The following CAVIN2 variants were observed in gnomAD, a reference collection of about 807,000 sequenced individuals.
CAVIN2 encodes the protein caveolae associated protein 2.
In CAVIN2, 13 loss-of-function variants were observed where a neutral mutation model predicts 11.7. That is an observed-to-expected ratio of 1.11 (90% CI 0.72 to 1.77). CAVIN2 has a LOEUF of 1.77. Among genes scored for constraint, CAVIN2 ranks in the 40% most tolerant of loss-of-function variants. CAVIN2 has a pLI of 0.00. For missense variants in CAVIN2, 549 were observed against 542.9 expected, an observed-to-expected ratio of 1.01 and a Z score of -0.11; for synonymous variants, 237 against 223.2, an observed-to-expected ratio of 1.06 and a Z score of -0.55.
At chr2:191,845,096 T>TA (rs1690146774) in intron 1 of CAVIN2, among the ~76,000 whole-genome samples, 1 of 152,218 alleles carries the variant, frequency 6.6e-6, no homozygotes, top group Non-Finnish European at 1.5e-5. Context: ...AAGGCCCAGT[T>TA]ACAGTATCTC....
At chr2:191,846,284 C>T (rs1364975186) in intron 1 of CAVIN2, among the ~76,000 whole-genome samples, 159 bp downstream of exon 1, 1 of 152,220 alleles carries the variant, frequency 6.6e-6, no homozygotes. Context: ...GTGAAGATTT[C>T]ACATTTGCTT....
At chr2:191,839,531 A>T (rs1169056955) in intron 1 of CAVIN2, among the ~76,000 whole-genome samples, 1 of 152,200 alleles carries the variant, frequency 6.6e-6, no homozygotes, top group African/African-American at 2.4e-5. Context: ...CACACTGTGT[A>T]TATGAATGGG....
Position 191,834,400 on chromosome 2 carries a change from TAAG to T in CAVIN2, c.*1520_*1522del, listed in dbSNP as rs552448129. ...ATTTGAGGTTACATTATTGCAAAAA[TAAG>T]GACATAGCTGAATAGGTTATGCCAT... is the stretch of plus-strand genomic sequence containing the variant. On this transcript the variant is annotated 3_prime_UTR_variant, in exon 2 of 2. Transcript: ENST00000304141. 2.0e-5 allele frequency: 3 copies of T among 152,312 alleles called. No homozygotes were observed. In the South Asian group the frequency reaches 6.2e-4, roughly 32 times the overall value. The allele number at this position is 152,312 out of a possible 1,614,324, so 9.4% of individuals were successfully genotyped here.
intron 1 of CAVIN2, among the ~76,000 whole-genome samples, chr2:191,842,725 A>T (rs1690110794): frequency 6.6e-6 from 1 of 152,238 alleles, no homozygotes; most frequent in Non-Finnish European, 1.5e-5. Flanking sequence ...TGAAAGAGAG[A>T]TGAATGTTTC....
intron 1 of CAVIN2, among the ~76,000 whole-genome samples, chr2:191,842,718 AAG>A (rs1466800443): frequency 6.6e-6 from 1 of 152,222 alleles, no homozygotes. Context: ...TTATTGCTGA[AAG>A]AGAGATGAAT....
rs765149651 is a variant in CAVIN2, at chr2:191,836,311, A to G, written c.890T>C (p.Phe297Ser). ...TCCCTCTCGGACTTTCTTCCGCCCG[A>G]AAGTGAGGGGAGAAACCTTGAAGGG... ...SSPFKVSPLTFGRKKVREGES... is the reference protein window; with the variant it reads ...SSPFKVSPLTSGRKKVREGES... The change falls in exon 2 of 2, where the codon TTC (phenylalanine) becomes TCC (serine). Residue 297 changes from phenylalanine to serine, a missense_variant. By Grantham distance (155) the Phe-to-Ser change is radical (BLOSUM62 -2). Coordinates refer to ENST00000304141, the MANE Select transcript of CAVIN2 (RefSeq NM_004657.6). 2.5e-6 allele frequency: 4 copies of G among 1,614,018 alleles called. No homozygotes were observed. In the African/African-American group the frequency reaches 5.3e-5, roughly 22 times the overall value.
At chr2:191,841,735 G>A (rs1391160201) in intron 1 of CAVIN2, among the ~76,000 whole-genome samples, 1 of 152,054 alleles carries the variant, frequency 6.6e-6, no homozygotes, top group Non-Finnish European at 1.5e-5. Flanking sequence ...CAGTGGAAGG[G>A]GCAGCATTTA....
At chr2:191,845,390 T>A (rs1690150634) in intron 1 of CAVIN2, among the ~76,000 whole-genome samples, 1 of 152,234 alleles carries the variant, frequency 6.6e-6, no homozygotes, top group Non-Finnish European at 1.5e-5. Flanking sequence ...GCTTTCCCTG[T>A]GTGCCTTTCA....
intron 1 of CAVIN2, among the ~76,000 whole-genome samples, chr2:191,838,122 A>T (rs1445086686): frequency 6.6e-6 from 1 of 152,236 alleles, no homozygotes; most frequent in Non-Finnish European, 1.5e-5. Context: ...TTTGAAAAAT[A>T]ACTGGATTTA....
chr2:191,844,722 G>GTT (rs879528240), intron 1 of CAVIN2, among the ~76,000 whole-genome samples: 1 of 150,712 alleles, frequency 6.6e-6, no homozygotes, highest in African/African-American at 2.4e-5. Context: ...TTCCCAAGCA[G>GTT]TTTTTTTTTA....
rs1026447588 is a variant in CAVIN2 at position 191,837,997 on chromosome 2, G to T, written c.484-1280C>A. ...CATACTGCACTCCCAGGGGTACCAG[G>T]GGCTCTGCTGGAATGCCAGAGGGGG... On this transcript the variant is annotated intron_variant, in intron 1 of 1. Coordinates refer to ENST00000304141, the MANE Select transcript of CAVIN2 (RefSeq NM_004657.6). Among the ~76,000 whole-genome samples, 11 of 152,284 alleles carry T rather than the reference G, an allele frequency of 7.2e-5. No homozygotes were observed. In the East Asian group the frequency reaches 2.1e-3, roughly 29 times the overall value.
At chr2:191,842,477 T>A (rs557775762) in intron 1 of CAVIN2, among the ~76,000 whole-genome samples, 1 of 152,356 alleles carries the variant, frequency 6.6e-6, no homozygotes, top group Non-Finnish European at 1.5e-5. Context: ...GTAGAGTAAC[T>A]GATTTTCTGT....
intron 1 of CAVIN2, among the ~76,000 whole-genome samples, chr2:191,840,344 C>T (rs1190160520): frequency 6.6e-6 from 1 of 152,206 alleles, no homozygotes; most frequent in East Asian, 1.9e-4. Flanking sequence ...TGCACTGCTT[C>T]CTTTGGTAGT....
chr2:191,843,908 G>A (rs950479563), intron 1 of CAVIN2, among the ~76,000 whole-genome samples: 7 of 152,184 alleles, frequency 4.6e-5, no homozygotes, highest in East Asian at 1.9e-4. Flanking sequence ...TCAAGAGTAC[G>A]TGCTTTGAAA....
intron 1 of CAVIN2, 138 bp from the exon 2 acceptor site, chr2:191,836,855 T>G: frequency 1.2e-6 from 1 of 817,138 alleles, no homozygotes; most frequent in Non-Finnish European, 1.9e-6. Context: ...TTTTCTAGAA[T>G]AGGAAGAGTT....
At chr2:191,845,940 C>T (rs1475874930) in intron 1 of CAVIN2, among the ~76,000 whole-genome samples, 1 of 152,140 alleles carries the variant, frequency 6.6e-6, no homozygotes, top group Non-Finnish European at 1.5e-5. Flanking sequence ...TTTGATTGGT[C>T]CCCAAAACGT....
chr2:191,837,259 G>A (rs1033686399), intron 1 of CAVIN2, among the ~76,000 whole-genome samples: 3 of 152,164 alleles, frequency 2.0e-5, no homozygotes, highest in African/African-American at 7.2e-5. Flanking sequence ...GGTAGGGCCA[G>A]CCTTAGTATC....
rs1689985020 is a variant in CAVIN2, at chr2:191,834,588, A to G, written c.*1335T>C. On this transcript the variant is annotated 3_prime_UTR_variant, in exon 2 of 2. Transcript: ENST00000304141. ...TTGTCTTTAAACTATAATTTAAGAA[A>G]TCATTAGCATTTTGTAATTAAAAAC... 1 of 152,162 alleles carries G rather than the reference A, an allele frequency of 6.6e-6. No individual in the cohort carries two copies. The highest frequency in any genetic ancestry group is 2.4e-5 in the African/African-American group (1 of 41,442). The allele number at this position is 152,162 out of a possible 1,614,324, so 9.4% of individuals were successfully genotyped here. A position where few individuals can be genotyped will look rare whatever the true frequency, so the allele number is the denominator to read the frequency against.
chr2:191,843,153 C>T (rs997240368), intron 1 of CAVIN2, among the ~76,000 whole-genome samples: 1 of 152,152 alleles, frequency 6.6e-6, no homozygotes, highest in Non-Finnish European at 1.5e-5. Context: ...CATTGCACTC[C>T]AGCCTTGGCA....
Sources: gnomAD v4.1 joint callset for allele counts (sites outside exome capture counted in the v4.1 genomes callset) on GRCh38, gnomAD v4.1.1 for gene constraint, MANE v1.5 for transcripts, NCBI Gene and HGNC (gene_info 2026-07-23, HGNC 2026-07-21) for gene names.